The following PRRC2C variants were observed in gnomAD, a reference collection of about 807,000 sequenced individuals.
PRRC2C encodes protein PRRC2C.
A neutral mutation model predicts 317.2 loss-of-function variants in PRRC2C; 72 were observed. That is an observed-to-expected ratio of 0.23 (90% CI 0.19 to 0.28). The LOEUF is 0.28. PRRC2C is among the 10% of genes least tolerant of loss of function. The pLI is 1.00. For missense variants in PRRC2C, 3,074 were observed against 3,459.7 expected (o/e 0.89, Z 2.80); for synonymous variants, 1,296 against 1,205.9 (o/e 1.07, Z -1.55).
At chr1:171,589,647 C>T in intron 34 of PRRC2C, 42 bp downstream of exon 34, 1 of 1,234,248 alleles carries the variant, frequency 8.1e-7, no homozygotes, top group Non-Finnish European at 1.1e-6. Flanking sequence ...GAATCTGTCT[C>T]TGAACCATGT....
At chr1:171,555,414 C>T (rs887641297) in intron 18 of PRRC2C, among the ~76,000 whole-genome samples, 1 of 152,158 alleles carries the variant, frequency 6.6e-6, no homozygotes, top group South Asian at 2.1e-4. Context: ...TGAACGTCCT[C>T]CTTTAGCTCA....
chr1:171,542,117 G>T lies in PRRC2C; in HGVS notation c.4651G>T (p.Val1551Leu). The T allele has an allele frequency of 6.2e-7, 1 of 1,613,734 alleles. No individual in the cohort carries two copies. Among genetic ancestry groups the T allele is most frequent in the East Asian group, 2.2e-5 (1 of 44,878 alleles). The change falls in exon 16 of 35, where the codon GTA becomes TTA. Residue 1551 changes from valine (V) to leucine (L), a missense_variant. Val to Leu is a conservative substitution (Grantham distance 32). This residue lies in a region of PRRC2C where 178 missense variants were observed against 163.0 expected (regional missense o/e 1.09). Coordinates refer to ENST00000647382, the MANE Select transcript of PRRC2C (RefSeq NM_001387844.1). ...GAGAAGTTTTTCTAGTCAGAGACCA[G>T]TAGATCGTCAGAATCGACGTGGCAA... Reference protein sequence around the residue: ...AKRSFSSQRPVDRQNRRGNNG... With the variant: ...AKRSFSSQRPLDRQNRRGNNG...
chr1:171,569,030 T>C (rs1487909723), intron 23 of PRRC2C, among the ~76,000 whole-genome samples: 1 of 152,144 alleles, frequency 6.6e-6, no homozygotes, highest in Non-Finnish European at 1.5e-5. Flanking sequence ...AGATGAAAAA[T>C]TGTTAGCCCA....
At chr1:171,528,810 T>C (rs902956190) in intron 11 of PRRC2C, among the ~76,000 whole-genome samples, 3 of 152,098 alleles carry the variant, frequency 2.0e-5, no homozygotes, top group Admixed American at 6.5e-5. Context: ...ATCCTTCTTT[T>C]GTATATGCAT....
intron 16 of PRRC2C, 74 bp downstream of exon 16, chr1:171,542,303 A>T: frequency 1.5e-6 from 2 of 1,295,744 alleles, no homozygotes; most frequent in East Asian, 5.1e-5. Context: ...TGGTTGAATT[A>T]TGCAAAGAGC....
chr1:171,528,233 A>G (rs1452837563), intron 11 of PRRC2C, among the ~76,000 whole-genome samples: 2 of 148,538 alleles, frequency 1.3e-5, no homozygotes, highest in Non-Finnish European at 3.0e-5. Flanking sequence ...ACTCCATCCC[A>G]CTTTCCATCC....
At chr1:171,534,200 T>C (rs1270811165) in intron 12 of PRRC2C, among the ~76,000 whole-genome samples, 1 of 152,204 alleles carries the variant, frequency 6.6e-6, no homozygotes, top group Non-Finnish European at 1.5e-5. Context: ...ATGGACCATT[T>C]GTTAAGACTC....
At chr1:171,515,037 G>T (rs1322293985) in intron 4 of PRRC2C, among the ~76,000 whole-genome samples, 1 of 152,222 alleles carries the variant, frequency 6.6e-6, no homozygotes, top group Non-Finnish European at 1.5e-5. Context: ...CCTGAGAGGA[G>T]AAGAGCTAGA....
intron 1 of PRRC2C, among the ~76,000 whole-genome samples, chr1:171,506,601 C>CT (rs71107322): frequency 0.39 from 52,804 of 135,634 alleles, 11,383 homozygotes; most frequent in East Asian, 0.8. Flanking sequence ...CACTTAAGGT[C>CT]TTTTTTTTTT....
chr1:171,591,513 A>AT (rs1651435591), intron 34 of PRRC2C, 74 bp from the exon 35 acceptor site: 2 of 1,547,312 alleles, frequency 1.3e-6, no homozygotes, highest in Admixed American at 3.7e-5. Flanking sequence ...TGGTAAAAGA[A>AT]TTTGAACCAA....
intron 6 of PRRC2C, among the ~76,000 whole-genome samples, chr1:171,518,746 G>A (rs1240881547): frequency 7.2e-6 from 1 of 139,782 alleles, no homozygotes; most frequent in African/African-American, 2.7e-5. Context: ...CAAGTAGTCT[G>A]CCCACCTTGG....
intron 1 of PRRC2C, among the ~76,000 whole-genome samples, chr1:171,492,067 T>C (rs1330538779): frequency 6.6e-6 from 1 of 152,204 alleles, no homozygotes; most frequent in East Asian, 1.9e-4. Context: ...AAGGAGGCTT[T>C]AGACAGGTGA....
chr1:171,507,449 A>G (rs1468149187), intron 1 of PRRC2C, among the ~76,000 whole-genome samples: 1 of 152,074 alleles, frequency 6.6e-6, no homozygotes, highest in Non-Finnish European at 1.5e-5. Context: ...CTTCTTTACT[A>G]AAAATACAAA....
At chr1:171,513,385 G>C in intron 3 of PRRC2C, 1 of 666,702 alleles carries the variant, frequency 1.5e-6, no homozygotes. Flanking sequence ...ACAGAATTGG[G>C]AATCACAACC....
intron 10 of PRRC2C, among the ~76,000 whole-genome samples, chr1:171,527,228 G>A (rs1674784307): frequency 1.3e-5 from 2 of 151,676 alleles, no homozygotes; most frequent in South Asian, 4.2e-4. Flanking sequence ...CGCCTCCCAG[G>A]TTCAAGCAGT....
chr1:171,569,351 G>T (rs894845689), intron 23 of PRRC2C, among the ~76,000 whole-genome samples: 1 of 150,998 alleles, frequency 6.6e-6, no homozygotes, highest in Non-Finnish European at 1.5e-5. Flanking sequence ...CTTCCCTCTA[G>T]CATCAAGTAT....
At chr1:171,500,627 A>G (rs1668926993) in intron 1 of PRRC2C, among the ~76,000 whole-genome samples, 2 of 152,144 alleles carry the variant, frequency 1.3e-5, no homozygotes, top group Non-Finnish European at 2.9e-5. Context: ...GAGAGTTTCA[A>G]TCTAGGATAG....
At chr1:171,517,151 G>A (rs1672531583) in intron 5 of PRRC2C, among the ~76,000 whole-genome samples, 2 of 152,068 alleles carry the variant, frequency 1.3e-5, no homozygotes, top group African/African-American at 2.4e-5. Context: ...GTTCACTTGG[G>A]GGCATCTGTA....
intron 11 of PRRC2C, among the ~76,000 whole-genome samples, chr1:171,528,370 C>G (rs1271724147): frequency 6.6e-6 from 1 of 151,436 alleles, no homozygotes; most frequent in Non-Finnish European, 1.5e-5. Context: ...CTCACTGCAA[C>G]CTCTGCCTCC....
Sources: gnomAD v4.1 joint callset for allele counts (sites outside exome capture counted in the v4.1 genomes callset) on GRCh38, gnomAD v4.1.1 for gene constraint, gnomAD v4.1.1 regional missense constraint, MANE v1.5 for transcripts, NCBI Gene and HGNC (gene_info 2026-07-23, HGNC 2026-07-21) for gene names.